RPS6KC1: variants seen among roughly 807,000 people sequenced by gnomAD.
RPS6KC1 encodes the protein inactive ribosomal protein S6 kinase delta-1.
RPS6KC1 carries 54 observed loss-of-function variants against 103.8 expected under a neutral mutation model. The observed-to-expected ratio is 0.52, with a 90% CI of 0.42 to 0.65. The LOEUF is 0.65. RPS6KC1 is among the 30% of genes least tolerant of loss of function. The probability of loss-of-function intolerance (pLI) is 0.00; values close to 1 mark genes in which losing one functional copy is unlikely to be tolerated. For missense variants in RPS6KC1, 1,151 were observed against 1,253.8 expected, an observed-to-expected ratio of 0.92 and a Z score of 1.24; for synonymous variants, 439 against 438.7, an observed-to-expected ratio of 1.00 and a Z score of -0.01.
At chr1:213,124,798 T>G (rs2084790547) in intron 5 of RPS6KC1, among the ~76,000 whole-genome samples, 2 of 152,020 alleles carry the variant, frequency 1.3e-5, no homozygotes, top group African/African-American at 4.8e-5. Context: ...GATGATTGGT[T>G]GCATTGTGTG....
the RPS6KC1 span, among the ~76,000 whole-genome samples, chr1:213,838,691 C>T: frequency 6.6e-6 from 1 of 152,202 alleles, no homozygotes; most frequent in Admixed American, 6.5e-5. Context: ...AGTTCTACAG[C>T]CTCCAAATTC....
the RPS6KC1 span, among the ~76,000 whole-genome samples, chr1:213,823,568 G>T: frequency 8.5e-5 from 13 of 152,216 alleles, no homozygotes; most frequent in South Asian, 2.7e-3. Context: ...GTAGTTTTTA[G>T]AATACTTCCT....
At chr1:213,385,143 TAGA>T in the RPS6KC1 span, among the ~76,000 whole-genome samples, 109 of 152,274 alleles carry the variant, frequency 7.2e-4, 1 homozygote, top group South Asian at 7.7e-3. Context: ...ACTTTAAAAA[TAGA>T]AGATGACAGA....
At chr1:213,410,571 C>T in the RPS6KC1 span, among the ~76,000 whole-genome samples, 1 of 152,052 alleles carries the variant, frequency 6.6e-6, no homozygotes, top group Non-Finnish European at 1.5e-5. Flanking sequence ...AATTTGGAGG[C>T]CACAGATTCA....
At chr1:213,344,474 T>C in the RPS6KC1 span, among the ~76,000 whole-genome samples, 5 of 152,174 alleles carry the variant, frequency 3.3e-5, no homozygotes, top group African/African-American at 1.2e-4. Flanking sequence ...AGTAATTCTA[T>C]GTACAACTTT....
the RPS6KC1 span, among the ~76,000 whole-genome samples, chr1:213,289,727 A>G: frequency 2.0e-5 from 3 of 152,194 alleles, no homozygotes; most frequent in African/African-American, 2.4e-5. Context: ...AAAAAGAATT[A>G]CAATAAACTG....
At chr1:213,464,892 G>A in the RPS6KC1 span, among the ~76,000 whole-genome samples, 1 of 151,986 alleles carries the variant, frequency 6.6e-6, no homozygotes, top group Admixed American at 6.5e-5. Flanking sequence ...TTAGGACCAA[G>A]ACAGTCATTC....
the RPS6KC1 span, among the ~76,000 whole-genome samples, chr1:213,566,202 T>C: frequency 6.6e-6 from 1 of 152,132 alleles, no homozygotes; most frequent in Non-Finnish European, 1.5e-5. Flanking sequence ...TTCTGTCAAC[T>C]CTGCTCTGTG....
At chr1:213,428,959 T>G in the RPS6KC1 span, 1 of 153,190 alleles carries the variant, frequency 6.5e-6, no homozygotes, top group Non-Finnish European at 1.5e-5. Context: ...GGGCCACACT[T>G]CTTGAGGTCC....
chr1:213,811,690 G>C, the RPS6KC1 span, among the ~76,000 whole-genome samples: 1 of 152,194 alleles, frequency 6.6e-6, no homozygotes, highest in Non-Finnish European at 1.5e-5. Context: ...AGACAGGAAA[G>C]TTCCCTGTCA....
the RPS6KC1 span, among the ~76,000 whole-genome samples, chr1:213,856,449 C>T: frequency 7.3e-6 from 1 of 137,680 alleles, no homozygotes; most frequent in African/African-American, 2.9e-5. Context: ...TTTCTCTCTG[C>T]TCCATCCTTC....
intron 3 of RPS6KC1, among the ~76,000 whole-genome samples, chr1:213,083,281 G>A (rs971237436): frequency 6.6e-6 from 1 of 152,206 alleles, no homozygotes; most frequent in Non-Finnish European, 1.5e-5. Flanking sequence ...GGAACCAGTA[G>A]CTCAGAGGGC....
chr1:213,840,551 G>A, the RPS6KC1 span: 2 of 152,158 alleles, frequency 1.3e-5, no homozygotes, highest in Non-Finnish European at 2.9e-5. Context: ...AGGAAACTTG[G>A]AAAGGGTTTT....
At chr1:213,152,401 G>A in intron 6 of RPS6KC1, among the ~76,000 whole-genome samples, 1 of 151,218 alleles carries the variant, frequency 6.6e-6, no homozygotes, top group Non-Finnish European at 1.5e-5. Flanking sequence ...CTCCCTCCCG[G>A]ACGGGGTGGC....
the RPS6KC1 span, among the ~76,000 whole-genome samples, chr1:213,697,068 C>T: frequency 6.6e-6 from 1 of 152,208 alleles, no homozygotes; most frequent in Non-Finnish European, 1.5e-5. Context: ...CCTCACAGAA[C>T]TCAAGGAAAC....
chr1:213,630,007 G>C, the RPS6KC1 span, among the ~76,000 whole-genome samples: 1 of 152,160 alleles, frequency 6.6e-6, no homozygotes, highest in Admixed American at 6.5e-5. Flanking sequence ...CTCTCTGGCT[G>C]TCCTTAACAT....
intron 6 of RPS6KC1, among the ~76,000 whole-genome samples, chr1:213,138,245 C>T (rs963672295): frequency 6.6e-6 from 1 of 151,400 alleles, no homozygotes; most frequent in Non-Finnish European, 1.5e-5. Context: ...ACAGGCTTAC[C>T]TTGTTTTGTT....
At chr1:213,326,107 A>T in the RPS6KC1 span, among the ~76,000 whole-genome samples, 1 of 152,060 alleles carries the variant, frequency 6.6e-6, no homozygotes, top group African/African-American at 2.4e-5. Flanking sequence ...AGAGAGCGGG[A>T]GGCAGAGGGG....
chr1:213,141,953 T>G (rs1216688175), intron 6 of RPS6KC1, among the ~76,000 whole-genome samples: 1 of 152,062 alleles, frequency 6.6e-6, no homozygotes, highest in East Asian at 1.9e-4. Context: ...ATTATCTGTC[T>G]AGTTCTGTCA....
Sources: allele counts gnomAD v4.1 joint callset (sites outside exome capture counted in the v4.1 genomes callset), GRCh38; gene constraint gnomAD v4.1.1; transcripts MANE v1.5; gene names NCBI Gene and HGNC (gene_info 2026-07-23, HGNC 2026-07-21).